Variants in VTA1 observed in about 807,000 individuals in gnomAD.
The protein encoded by VTA1 is vacuolar protein sorting-associated protein VTA1 homolog.
VTA1 carries 24 observed loss-of-function variants against 36.9 expected under a neutral mutation model. The observed-to-expected ratio is 0.65, with a 90% confidence interval of 0.47 to 0.91. VTA1 has a LOEUF of 0.91. Ranked by LOEUF, VTA1 falls within the 40% of genes least tolerant of loss-of-function variation. VTA1 has a pLI of 0.00. For missense variants in VTA1, 393 were observed against 377.2 expected (o/e 1.04, Z -0.35); for synonymous variants, 142 against 130.2 (o/e 1.09, Z -0.62).
At chr6:142,150,612 C>G (rs1267748921) in intron 1 of VTA1, among the ~76,000 whole-genome samples, 3 of 152,154 alleles carry the variant, frequency 2.0e-5, no homozygotes, top group African/African-American at 7.2e-5. Context: ...TTAGTGAAGC[C>G]TCCATTAATT....
chr6:142,181,744 T>A (rs888537641), intron 4 of VTA1, among the ~76,000 whole-genome samples: 1 of 152,106 alleles, frequency 6.6e-6, no homozygotes, highest in Non-Finnish European at 1.5e-5. Context: ...TATGATATTT[T>A]AAAAATAGAG....
chr6:142,200,545 C>T (rs1775664416), intron 6 of VTA1, among the ~76,000 whole-genome samples: 1 of 151,848 alleles, frequency 6.6e-6, no homozygotes, highest in African/African-American at 2.4e-5. Context: ...CAAAAGAGAA[C>T]ACTTTTAACA....
intron 7 of VTA1, among the ~76,000 whole-genome samples, chr6:142,211,892 C>T (rs912093675): frequency 6.6e-6 from 1 of 152,050 alleles, no homozygotes; most frequent in Non-Finnish European, 1.5e-5. Flanking sequence ...AGAGGATATA[C>T]AAATGGAAAG....
chr6:142,220,331 C>T lies in VTA1; in HGVS notation c.*1688C>T, dbSNP rs2114694759. On this transcript the variant is annotated 3_prime_UTR_variant, in exon 8 of 8. Coordinates refer to ENST00000367630, the MANE Select transcript of VTA1 (RefSeq NM_016485.5). Reference sequence around the variant, plus strand: ...ATTCAAACCTTGATATGCCTGGACACTGAAAAGTAAACGCATCACCTCCTA... The same window carrying T: ...ATTCAAACCTTGATATGCCTGGACATTGAAAAGTAAACGCATCACCTCCTA... 6.6e-6 allele frequency: 1 copy of T among 152,258 alleles called. No individual in the cohort carries two copies. The highest frequency in any genetic ancestry group is 2.1e-4 in the South Asian group (1 of 4,828). The allele number at this position is 152,258 out of a possible 1,614,324, so 9.4% of individuals were successfully genotyped here.
Position 142,147,363 on chromosome 6 carries a change from G to A in VTA1, c.76G>A (p.Glu26Lys), listed in dbSNP as rs376942056. The A allele has an allele frequency of 3.7e-6, 6 of 1,614,192 alleles. No individual in the cohort carries two copies. Among genetic ancestry groups the A allele is most frequent in the African/African-American group, 1.3e-5 (1 of 75,062 alleles). Residue 26 changes from glutamate to lysine, a missense_variant, in exon 1 of 8, where the codon GAG becomes AAG. By Grantham distance (56) the Glu-to-Lys change is moderately conservative. Transcript: ENST00000367630. ...SIQHHLRTAQ[E>K]HDKRDPVVAY... Reference sequence around the variant, plus strand: ...ACAGCATCATCTGAGGACGGCTCAGGAGCATGACAAGCGAGACCCTGTGGT... The same window carrying A: ...ACAGCATCATCTGAGGACGGCTCAGAAGCATGACAAGCGAGACCCTGTGGT...
At position 142,195,391 on chromosome 6, in the gene VTA1, C is replaced by T. The variant is rs186162920; in HGVS notation, c.521-3048C>T. On this transcript the variant is annotated intron_variant, in intron 5 of 7. Coordinates refer to ENST00000367630, the MANE Select transcript of VTA1 (RefSeq NM_016485.5). ...AATATTTTCTTATTGTCTTCACTGT[C>T]CTTTTAATGTCTGTAGGATGTATTT... 1.6e-3 allele frequency among the ~76,000 whole-genome samples: 243 copies of T among 152,046 alleles called. 4 individuals carry two copies. Among genetic ancestry groups the T allele is most frequent in the Non-Finnish European group, 1.7e-3 (118 of 67,896 alleles).
intron 7 of VTA1, among the ~76,000 whole-genome samples, chr6:142,213,224 G>T (rs74893947): frequency 0.017 from 2,555 of 152,306 alleles, 66 homozygotes; most frequent in African/African-American, 0.058. Flanking sequence ...CCCCATGCAA[G>T]TCTGAAGCCC....
At chr6:142,158,105 A>G (rs1242260900) in intron 1 of VTA1, among the ~76,000 whole-genome samples, 1 of 151,370 alleles carries the variant, frequency 6.6e-6, no homozygotes, top group Non-Finnish European at 1.5e-5. Flanking sequence ...AATACCTATC[A>G]GTATGGAAAG....
intron 5 of VTA1, among the ~76,000 whole-genome samples, chr6:142,192,118 C>T (rs925704007): frequency 2.0e-5 from 3 of 152,040 alleles, no homozygotes; most frequent in Admixed American, 6.5e-5. Context: ...ATATTACAAA[C>T]AGGCTTCCAC....
At chr6:142,198,117 ATATGTGTGTGTGTG>A (rs1372209204) in intron 5 of VTA1, among the ~76,000 whole-genome samples, 9 of 78,666 alleles carry the variant, frequency 1.1e-4, no homozygotes, top group African/African-American at 3.2e-4. Flanking sequence ...ATATATATAT[ATATGTGTGTGTGTG>A]TGTGTGTGTG....
chr6:142,150,781 G>A (rs1047992530), intron 1 of VTA1, among the ~76,000 whole-genome samples: 8 of 152,036 alleles, frequency 5.3e-5, no homozygotes, highest in South Asian at 2.1e-4. Flanking sequence ...GTGTGGTGGC[G>A]CATGCCTGTA....
At chr6:142,164,109 A>G (rs1472464332) in intron 1 of VTA1, among the ~76,000 whole-genome samples, 1 of 152,138 alleles carries the variant, frequency 6.6e-6, no homozygotes, top group Non-Finnish European at 1.5e-5. Flanking sequence ...ACTTTCTGCT[A>G]GAAGCATCCT....
At chr6:142,175,377 G>C (rs1291805221) in intron 4 of VTA1, among the ~76,000 whole-genome samples, 1 of 151,802 alleles carries the variant, frequency 6.6e-6, no homozygotes, top group African/African-American at 2.4e-5. Context: ...GCTGCTCACT[G>C]TCTTCTCATT....
intron 5 of VTA1, among the ~76,000 whole-genome samples, chr6:142,197,709 G>T (rs1310303164): frequency 2.0e-5 from 3 of 152,036 alleles, no homozygotes; most frequent in African/African-American, 7.2e-5. Flanking sequence ...GTTCTTATTG[G>T]ATAGCATAAA....
chr6:142,155,710 T>C (rs1411100161), intron 1 of VTA1, among the ~76,000 whole-genome samples: 2 of 152,186 alleles, frequency 1.3e-5, no homozygotes, highest in Non-Finnish European at 1.5e-5. Flanking sequence ...TTCTACTTTA[T>C]CTGCCTTGAC....
intron 4 of VTA1, among the ~76,000 whole-genome samples, chr6:142,170,986 G>C (rs756667979): frequency 6.6e-6 from 1 of 152,120 alleles, no homozygotes; most frequent in Non-Finnish European, 1.5e-5. Flanking sequence ...TGTGACTACT[G>C]TATTGGACAG....
intron 1 of VTA1, among the ~76,000 whole-genome samples, chr6:142,161,459 G>A (rs1774807383): frequency 6.6e-6 from 1 of 152,008 alleles, no homozygotes; most frequent in African/African-American, 2.4e-5. Context: ...AAATTCTAAG[G>A]AACTTTGGAT....
chr6:142,177,822 G>A (rs1775155165), intron 4 of VTA1, among the ~76,000 whole-genome samples: 2 of 152,134 alleles, frequency 1.3e-5, no homozygotes, highest in African/African-American at 2.4e-5. Flanking sequence ...TTACTGGGCT[G>A]TATTTAGAGA....
intron 7 of VTA1, among the ~76,000 whole-genome samples, chr6:142,212,037 G>C (rs903095307): frequency 6.6e-6 from 1 of 152,196 alleles, no homozygotes; most frequent in Non-Finnish European, 1.5e-5. Flanking sequence ...TGACGATGTG[G>C]AACCACAGAA....
Sources: allele counts gnomAD v4.1 joint callset (sites outside exome capture counted in the v4.1 genomes callset), GRCh38; gene constraint gnomAD v4.1.1; transcripts MANE v1.5; gene names NCBI Gene and HGNC (gene_info 2026-07-23, HGNC 2026-07-21).